The following PTPRS variants were observed in gnomAD, a reference collection of about 807,000 sequenced individuals.
PTPRS encodes protein tyrosine phosphatase receptor type S, also known as receptor-type tyrosine-protein phosphatase S.
PTPRS carries 63 observed loss-of-function variants against 215.3 expected under a neutral mutation model. That is an observed-to-expected ratio of 0.29 (90% CI 0.24 to 0.36). The LOEUF (loss-of-function observed/expected upper bound fraction) is 0.36. Ranked by LOEUF, PTPRS falls within the 10% of genes least tolerant of loss-of-function variation. The probability of loss-of-function intolerance (pLI) is 1.00; values close to 1 mark genes in which losing one functional copy is unlikely to be tolerated. For missense variants in PTPRS, 2,258 were observed against 2,825.8 expected (o/e 0.80, Z 4.56); for synonymous variants, 1,404 against 1,191.4 (o/e 1.18, Z -3.68).
chr19:5,242,097 G>A (rs538853495), intron 11 of PTPRS, among the ~76,000 whole-genome samples: 8 of 152,280 alleles, frequency 5.3e-5, no homozygotes, highest in South Asian at 2.1e-4. Flanking sequence ...GCCTCCCAAC[G>A]TGCTGGGATT....
At chr19:5,329,838 A>AGT (rs2050269038) in intron 1 of PTPRS, among the ~76,000 whole-genome samples, 2 of 152,106 alleles carry the variant, frequency 1.3e-5, no homozygotes, top group East Asian at 3.9e-4. Flanking sequence ...GCACTTTGAG[A>AGT]GGCCGAGGTG....
rs8104502 is a variant in PTPRS at position 5,228,702 on chromosome 19, C to T, written c.2376+614G>A. ...GGTTCTCAGCAGAGACTGGTACTCC[C>T]GTTTTAGGGGCAGAGAGGTAGTCCA... On this transcript the variant is annotated intron_variant, in intron 16 of 37. Transcript: ENST00000262963. 9.6e-3 allele frequency among the ~76,000 whole-genome samples: 1,459 copies of T among 152,250 alleles called. 24 individuals carry two copies. The highest frequency in any genetic ancestry group is 0.033 in the African/African-American group (1,364 of 41,544).
intron 7 of PTPRS, among the ~76,000 whole-genome samples, chr19:5,260,050 G>T (rs949838480): frequency 3.9e-5 from 6 of 152,150 alleles, no homozygotes; most frequent in South Asian, 2.1e-4. Context: ...TGAGGCAAAA[G>T]TTGGGTAGGG....
At chr19:5,283,534 A>G (rs2048056704) in intron 2 of PTPRS, among the ~76,000 whole-genome samples, 2 of 151,946 alleles carry the variant, frequency 1.3e-5, no homozygotes, top group South Asian at 4.2e-4. Context: ...CCGAGATCGC[A>G]CCACTGTACT....
At chr19:5,300,767 C>CAAAAAAAAAAAA (rs59799136) in intron 1 of PTPRS, among the ~76,000 whole-genome samples, 1 of 97,758 alleles carries the variant, frequency 1.0e-5, no homozygotes, top group Non-Finnish European at 2.0e-5. Flanking sequence ...GACTCCGTCT[C>CAAAAAAAAAAAA]AAAAAAAAAA....
At chr19:5,312,813 A>G (rs755345341) in intron 1 of PTPRS, among the ~76,000 whole-genome samples, 2 of 152,224 alleles carry the variant, frequency 1.3e-5, no homozygotes, top group Admixed American at 6.5e-5. Context: ...AGATGAGGCA[A>G]CTGAGCATCG....
intron 2 of PTPRS, among the ~76,000 whole-genome samples, chr19:5,282,752 C>T (rs1357595200): frequency 6.7e-6 from 1 of 149,310 alleles, no homozygotes; most frequent in African/African-American, 2.5e-5. Flanking sequence ...CAGTGGGAGC[C>T]GAGATCGAGC....
At chr19:5,239,092 G>A (rs1423345484) in intron 12 of PTPRS, 29 bp from the exon 13 acceptor site, 3 of 1,584,218 alleles carry the variant, frequency 1.9e-6, no homozygotes, top group African/African-American at 2.7e-5. Context: ...AGGACAGAGA[G>A]GGATGGGGGA....
At chr19:5,266,252 C>T (rs2046389586) in intron 4 of PTPRS, among the ~76,000 whole-genome samples, 1 of 100,116 alleles carries the variant, frequency 1.0e-5, no homozygotes, top group African/African-American at 2.9e-5. Context: ...GAGTGAGACT[C>T]GGTCTCAAAA....
intron 14 of PTPRS, among the ~76,000 whole-genome samples, chr19:5,230,927 A>T (rs2238635): frequency 6.6e-6 from 1 of 152,052 alleles, no homozygotes; most frequent in South Asian, 2.1e-4. Flanking sequence ...AAATTGGCCA[A>T]TGCTACACAA....
chr19:5,240,429 T>A (rs1205740600), intron 11 of PTPRS, 97 bp from the exon 12 acceptor site: 1 of 1,253,546 alleles, frequency 8.0e-7, no homozygotes, highest in Non-Finnish European at 1.1e-6. Context: ...ATGCCAGCTC[T>A]GGGTGCTTCT....
At chr19:5,329,189 GAGA>G (rs541872511) in intron 1 of PTPRS, among the ~76,000 whole-genome samples, 55 of 152,294 alleles carry the variant, frequency 3.6e-4, no homozygotes, top group African/African-American at 1.2e-3. Flanking sequence ...GTGGAAACAG[GAGA>G]AGGATAGGTC....
chr19:5,325,724 G>A (rs1445981201), intron 1 of PTPRS, among the ~76,000 whole-genome samples: 3 of 152,222 alleles, frequency 2.0e-5, no homozygotes, highest in African/African-American at 7.2e-5. Flanking sequence ...TGCCTGCCGA[G>A]GACACCGGCC....
chr19:5,259,270 GAAATCACAGACCC>G (rs2045805237), intron 7 of PTPRS, among the ~76,000 whole-genome samples: 1 of 152,158 alleles, frequency 6.6e-6, no homozygotes, highest in East Asian at 1.9e-4. Context: ...CAATACATTT[GAAATCACAGACCC>G]AAATCAAAGA....
At chr19:5,211,205 T>C (rs1199481997) in intron 33 of PTPRS, among the ~76,000 whole-genome samples, 1 of 152,204 alleles carries the variant, frequency 6.6e-6, no homozygotes, top group African/African-American at 2.4e-5. Context: ...ATCTCAGTGC[T>C]ATTGACATTT....
At chr19:5,225,619 G>A in intron 17 of PTPRS, 108 bp downstream of exon 17, 1 of 978,320 alleles carries the variant, frequency 1.0e-6, no homozygotes. Context: ...CCAGCTGCCT[G>A]GTGCACCCTC....
At chr19:5,243,117 C>T (rs2044183709) in intron 11 of PTPRS, among the ~76,000 whole-genome samples, 1 of 151,536 alleles carries the variant, frequency 6.6e-6, no homozygotes, top group Non-Finnish European at 1.5e-5. Flanking sequence ...CCAAGCCTGG[C>T]TAGCTCTCTT....
At chr19:5,269,501 G>A (rs1014972632) in intron 4 of PTPRS, among the ~76,000 whole-genome samples, 2 of 152,112 alleles carry the variant, frequency 1.3e-5, no homozygotes, top group Admixed American at 1.3e-4. Context: ...GGCCGGAGGT[G>A]CCCGGAGCTC....
At chr19:5,298,120 C>G (rs1388099205) in intron 1 of PTPRS, among the ~76,000 whole-genome samples, 1 of 152,148 alleles carries the variant, frequency 6.6e-6, no homozygotes, top group Non-Finnish European at 1.5e-5. Flanking sequence ...TCTATGCATA[C>G]GAATGGGTGC....
Sources: allele counts gnomAD v4.1 joint callset (sites outside exome capture counted in the v4.1 genomes callset), GRCh38; gene constraint gnomAD v4.1.1; transcripts MANE v1.5; gene names NCBI Gene and HGNC (gene_info 2026-07-23, HGNC 2026-07-21).